Variants in DENND2B observed in about 807,000 individuals in gnomAD.
The protein encoded by DENND2B is DENN domain containing 2B.
In DENND2B, 32 loss-of-function variants were observed where a neutral mutation model predicts 116.0. That is an observed-to-expected ratio of 0.28 (90% confidence interval 0.21 to 0.37). DENND2B has a LOEUF of 0.37. DENND2B is among the 10% of genes least tolerant of loss of function. The pLI is 1.00. For synonymous variants in DENND2B, 588 were observed against 583.9 expected (o/e 1.01, Z -0.10); for missense variants, 1,276 against 1,477.7 (o/e 0.86, Z 2.24).
chr11:8,764,942 C>CAAAAAAAAAAAAAA (rs35421038), intron 1 of DENND2B, among the ~76,000 whole-genome samples: 3 of 100,288 alleles, frequency 3.0e-5, no homozygotes, highest in Non-Finnish European at 3.9e-5. Flanking sequence ...GAGACTGTCT[C>CAAAAAAAAAAAAAA]AAAAAAAAAA....
Position 8,803,684 on chromosome 11 carries a change from T to C in DENND2B, c.-26+6833A>G, listed in dbSNP as rs527780373. Among the ~76,000 whole-genome samples the C allele has an allele frequency of 2.6e-5, 4 of 152,312 alleles. No individual in the cohort carries two copies. The East Asian group carries it at 7.7e-4, about 29-fold the overall frequency. ...CGAGTGCCTTACATAAATTAACACA[T>C]TGAAACCTTACAATAACCCTTTGAG... On this transcript the variant is annotated intron_variant, in intron 1 of 19. Transcript: ENST00000313726.
intron 1 of DENND2B, among the ~76,000 whole-genome samples, chr11:8,756,201 T>C (rs1258697608): frequency 6.6e-6 from 1 of 151,844 alleles, no homozygotes; most frequent in Non-Finnish European, 1.5e-5. Flanking sequence ...CTGAAACATG[T>C]TAAAAAAACA....
chr11:8,776,175 CACACA>C, intron 1 of DENND2B: 1 of 455,150 alleles, frequency 2.2e-6, no homozygotes, highest in Non-Finnish European at 4.4e-6. Flanking sequence ...CACACACACA[CACACA>C]CACACACCTA....
chr11:8,790,102 T>C (rs1373924716), intron 1 of DENND2B, among the ~76,000 whole-genome samples: 1 of 152,210 alleles, frequency 6.6e-6, no homozygotes, highest in Non-Finnish European at 1.5e-5. Flanking sequence ...ACTCTACACT[T>C]ACAGCTTCAC....
At chr11:8,735,069 A>G (rs2048779143) in intron 2 of DENND2B, among the ~76,000 whole-genome samples, 2 of 151,956 alleles carry the variant, frequency 1.3e-5, no homozygotes, top group Admixed American at 1.3e-4. Flanking sequence ...CAGGCTATGG[A>G]AAGGTGGAGT....
intron 11 of DENND2B, among the ~76,000 whole-genome samples, chr11:8,710,039 A>G (rs1382013741): frequency 6.6e-6 from 1 of 152,146 alleles, no homozygotes; most frequent in African/African-American, 2.4e-5. Context: ...GTGTTTCTGA[A>G]TGAATGAATG....
chr11:8,790,754 G>A (rs1302987768), intron 1 of DENND2B, among the ~76,000 whole-genome samples: 2 of 152,160 alleles, frequency 1.3e-5, no homozygotes, highest in Non-Finnish European at 2.9e-5. Flanking sequence ...GTGCAACAGA[G>A]CAAAGAAAGA....
intron 4 of DENND2B, among the ~76,000 whole-genome samples, chr11:8,721,508 CTCCG>C (rs10531182): frequency 0.92 from 139,306 of 151,786 alleles, 64,974 homozygotes; most frequent in Non-Finnish European, 1. Flanking sequence ...CCCCAACAAC[CTCCG>C]TCCGGTTCCA....
chr11:8,732,537 G>GT (rs140106482), intron 2 of DENND2B, among the ~76,000 whole-genome samples: 1,658 of 152,264 alleles, frequency 0.011, 38 homozygotes, highest in African/African-American at 0.038. Flanking sequence ...GCACTTGTAA[G>GT]TATCAAGGGA....
At chr11:8,811,802 T>C (rs1337118169), upstream of DENND2B, among the ~76,000 whole-genome samples, 2 of 152,220 alleles carry the variant, frequency 1.3e-5, no homozygotes, top group African/African-American at 2.4e-5. Context: ...GGTGCAATCA[T>C]AGCTCACTAC....
intron 4 of DENND2B, among the ~76,000 whole-genome samples, chr11:8,723,255 C>T (rs1180306308): frequency 6.6e-6 from 1 of 152,200 alleles, no homozygotes; most frequent in East Asian, 1.9e-4. Context: ...CTGTGGTCCT[C>T]CCATTCTCTA....
At chr11:8,880,539 T>C (rs1028346196) in intron 2 of DENND2B, among the ~76,000 whole-genome samples, 1 of 152,186 alleles carries the variant, frequency 6.6e-6, no homozygotes, top group South Asian at 2.1e-4. Context: ...CAAGATAAAG[T>C]GATCTCCAAT....
At chr11:8,902,278 A>G (rs1262601510) in intron 1 of DENND2B, among the ~76,000 whole-genome samples, 1 of 151,412 alleles carries the variant, frequency 6.6e-6, no homozygotes, top group African/African-American at 2.4e-5. Context: ...GTGAGCTGAG[A>G]TCACACCACT....
intron 3 of DENND2B, among the ~76,000 whole-genome samples, chr11:8,856,987 A>G (rs996849238): frequency 6.6e-6 from 1 of 152,072 alleles, no homozygotes; most frequent in African/African-American, 2.4e-5. Context: ...TCCTGGGCTC[A>G]AGCAATTCTC....
At chr11:8,733,176 G>A (rs1055174192) in intron 2 of DENND2B, among the ~76,000 whole-genome samples, 3 of 152,188 alleles carry the variant, frequency 2.0e-5, no homozygotes, top group African/African-American at 7.2e-5. Flanking sequence ...GTAAGCCTCC[G>A]CACTCCCTGG....
intron 2 of DENND2B, among the ~76,000 whole-genome samples, chr11:8,746,554 C>T (rs1256732669): frequency 1.3e-5 from 2 of 152,110 alleles, no homozygotes; most frequent in Admixed American, 6.5e-5. Flanking sequence ...GCCATTTGGC[C>T]GTTTTGAACC....
At chr11:8,850,472 T>G (rs2062966554) in intron 3 of DENND2B, among the ~76,000 whole-genome samples, 1 of 150,430 alleles carries the variant, frequency 6.6e-6, no homozygotes, top group South Asian at 2.1e-4. Flanking sequence ...ATCAGGGAAA[T>G]GCAAATTAAA....
chr11:8,776,146 G>GCA (rs1555185694), intron 1 of DENND2B: 13 of 292,448 alleles, frequency 4.4e-5, no homozygotes, highest in Admixed American at 8.0e-5. Context: ...GCACGTGCGC[G>GCA]CACGCGCGCG....
chr11:8,703,480 C>T (rs972406558), intron 13 of DENND2B: 2 of 152,366 alleles, frequency 1.3e-5, no homozygotes, highest in Non-Finnish European at 2.9e-5. Flanking sequence ...TAGTGAGTGA[C>T]TCCAGCGGTG....
Sources: gnomAD v4.1 joint callset for allele counts (sites outside exome capture counted in the v4.1 genomes callset) on GRCh38, gnomAD v4.1.1 for gene constraint, MANE v1.5 for transcripts, NCBI Gene and HGNC (gene_info 2026-07-23, HGNC 2026-07-21) for gene names.